Variants in IRF1 observed in about 807,000 individuals in gnomAD.
IRF1 encodes the protein interferon regulatory factor 1.
A neutral mutation model predicts 43.7 loss-of-function variants in IRF1; 13 were observed. That is an observed-to-expected ratio of 0.30 (90% CI 0.19 to 0.47). The LOEUF is 0.47. Ranked by LOEUF, IRF1 falls within the 20% of genes least tolerant of loss-of-function variation. The probability of loss-of-function intolerance (pLI) is 0.99; values close to 1 mark genes in which losing one functional copy is unlikely to be tolerated. For synonymous variants in IRF1, 138 were observed against 146.8 expected (o/e 0.94, Z 0.43); for missense variants, 236 against 408.9 (o/e 0.58, Z 3.65).
chr5:132,489,557 G>T, intron 1 of IRF1, 74 bp from the exon 2 acceptor site: 2 of 1,199,938 alleles, frequency 1.7e-6, no homozygotes, highest in South Asian at 2.4e-5. Context: ...CCCCACCCGA[G>T]GTCACTTAGT....
intron 3 of IRF1, 46 bp downstream of exon 3, chr5:132,487,880 C>T (rs1336317484): frequency 1.4e-6 from 2 of 1,397,166 alleles, no homozygotes; most frequent in African/African-American, 2.8e-5. Context: ...AGTGCCTCCT[C>T]TTGTCTCTAC....
At position 132,483,809 on chromosome 5, in the gene IRF1, G is replaced by A. The variant is rs17848427; in HGVS notation, c.*142C>T. ...AGGCCCTGAGAGGTCAATGACCCAA[G>A]GAGGGAGGCCCCATCCCCACTTGGC... On this transcript the variant is annotated 3_prime_UTR_variant, in exon 10 of 10. Transcript: ENST00000245414. The A allele has an allele frequency of 7.9e-4, 826 of 1,042,520 alleles. 7 individuals carry two copies. In the African/African-American group the frequency reaches 0.012, roughly 15 times the overall value. 64.6% of individuals were successfully genotyped at this position (1,042,520 alleles called of 1,614,324 possible).
intron 2 of IRF1, chr5:132,488,367 C>A (rs747091847): frequency 5.6e-5 from 14 of 251,862 alleles, no homozygotes; most frequent in African/African-American, 8.9e-5. Flanking sequence ...TTGTAAGCAC[C>A]CACATGGAAG....
In IRF1 at chr5:132,489,440, C is replaced by T. The variant is rs1158182651; in HGVS notation, c.39G>A (p.Glu13=). 4.3e-6 allele frequency: 7 copies of T among 1,614,090 alleles called. No homozygotes were observed. The highest frequency in any genetic ancestry group is 1.3e-5 in the African/African-American group (1 of 75,062). ...GGATTTGGTTGGAATTAATCTGCAT[C>T]TCTAGCCAGGGTCTCATGCGCATCC... ...ITRMRMRPWL[E]MQINSNQIPG... is the part of the protein sequence containing the mutation. Residue 13 remains glutamate (E), a synonymous_variant, in exon 2 of 10, where the codon GAG becomes GAA. Coordinates refer to ENST00000245414, the MANE Select transcript of IRF1 (RefSeq NM_002198.3).
At position 132,486,995 on chromosome 5, in the gene IRF1, A is replaced by C. The variant is rs762994653; in HGVS notation, c.323T>G (p.Val108Gly). Residue 108 changes from valine to glycine, a missense_variant, in exon 4 of 10, where the codon GTG becomes GGG. Val to Gly is a moderately radical substitution (Grantham distance 109, BLOSUM62 -3). Transcript: ENST00000245414. ...SRNKGSSAVR[V>G]YRMLPPLTKN... Reference sequence around the variant, plus strand: ...GGTGAGAGGTGGAAGCATCCGGTACACTCGCACAGCTGAGCTGCCCTTGTT... The same window carrying C: ...GGTGAGAGGTGGAAGCATCCGGTACCCTCGCACAGCTGAGCTGCCCTTGTT... 6.2e-7 allele frequency: 1 copy of C among 1,613,570 alleles called. No homozygotes were observed. Among genetic ancestry groups the C allele is most frequent in the Non-Finnish European group, 8.5e-7 (1 of 1,179,896 alleles).
intron 2 of IRF1, chr5:132,489,179 G>A (rs934432611): frequency 7.8e-6 from 4 of 514,188 alleles, no homozygotes; most frequent in Admixed American, 3.1e-5. Context: ...GTGCCTTCAG[G>A]TGGGTGCCCT....
intron 3 of IRF1, 36 bp downstream of exon 3, chr5:132,487,890 C>T: frequency 6.7e-7 from 1 of 1,490,810 alleles, no homozygotes; most frequent in Non-Finnish European, 9.4e-7. Flanking sequence ...CTTGTCTCTA[C>T]CCTGGGCTTC....
chr5:132,484,344 G>T lies in IRF1; in HGVS notation c.853+18C>A, dbSNP rs369393127. The T allele has an allele frequency of 3.7e-6, 6 of 1,613,456 alleles. No individual in the cohort carries two copies. ...TCTCCCTCATCTAAGAAGCCATAAGGATCCAGGGCCTTCTTACCCCCTGGG... is the reference window on the plus strand; with the variant it reads ...TCTCCCTCATCTAAGAAGCCATAAGTATCCAGGGCCTTCTTACCCCCTGGG... On this transcript the variant is annotated intron_variant, in intron 9 of 9. Coordinates refer to ENST00000245414, the MANE Select transcript of IRF1 (RefSeq NM_002198.3).
At chr5:132,485,611 C>T in intron 8 of IRF1, 56 bp downstream of exon 8, 1 of 1,355,432 alleles carries the variant, frequency 7.4e-7, no homozygotes, top group South Asian at 1.2e-5. Flanking sequence ...CACTGGTTCT[C>T]TCTCCTCACT....
chr5:132,488,228 G>C, intron 2 of IRF1: 1 of 561,334 alleles, frequency 1.8e-6, no homozygotes, highest in South Asian at 2.1e-5. Flanking sequence ...GGGACACCTA[G>C]TTTGGATGAG....
In IRF1 at chr5:132,487,045, G is replaced by A. The variant is rs199589588; in HGVS notation, c.273C>T (p.Ile91=). The part of the protein sequence containing the change: ...FRCAMNSLPD[I]EEVKDQSRNK... ...TCCTGCTCTGGTCTTTCACCTCCTC[G>A]ATATCTGGCAGGGAGTTCATGGCAC... The change falls in exon 4 of 10, where the codon ATC becomes ATT. Residue 91 remains isoleucine, a synonymous_variant. Coordinates refer to ENST00000245414, the MANE Select transcript of IRF1 (RefSeq NM_002198.3). The A allele has an allele frequency of 1.9e-4, 305 of 1,613,994 alleles. No homozygotes were observed. Among genetic ancestry groups the A allele is most frequent in the Admixed American group, 3.5e-4 (21 of 60,002 alleles).
intron 1 of IRF1, 56 bp from the exon 2 acceptor site, chr5:132,489,539 G>GGTCAC: frequency 7.0e-7 from 1 of 1,432,976 alleles, no homozygotes; most frequent in Non-Finnish European, 9.8e-7. Context: ...TACCTGGGCA[G>GGTCAC]TGACCTGCCC....
intron 2 of IRF1, chr5:132,488,235 T>C (rs10035166): frequency 0.23 from 125,679 of 551,886 alleles, 16,599 homozygotes; most frequent in South Asian, 0.34. Flanking sequence ...CTAGTTTGGA[T>C]GAGCTGCAGC....
intron 9 of IRF1, 142 bp from the exon 10 acceptor site, chr5:132,484,217 A>C (rs542388387): frequency 6.9e-7 from 1 of 1,442,220 alleles, no homozygotes; most frequent in Non-Finnish European, 9.5e-7. Flanking sequence ...GCAAACCTTA[A>C]GGCATGGCAG....
rs1754425460 is a variant in IRF1 at position 132,482,981 on chromosome 5, A to G, written c.*970T>C. On this transcript the variant is annotated 3_prime_UTR_variant, in exon 10 of 10. Coordinates refer to ENST00000245414, the MANE Select transcript of IRF1 (RefSeq NM_002198.3). ...ATAGATGCATGTCCCTGTTCACCCC[A>G]AAGTCAAGTTCAGGCGGGATGCCAA... 4 of 152,296 alleles carry G rather than the reference A, an allele frequency of 2.6e-5. No homozygotes were observed. Among genetic ancestry groups the G allele is most frequent in the South Asian group, 2.1e-4 (1 of 4,836 alleles). The allele number at this position is 152,296 out of a possible 1,614,324, so 9.4% of individuals were successfully genotyped here.
At chr5:132,489,144 A>T in intron 2 of IRF1, 1 of 444,942 alleles carries the variant, frequency 2.2e-6, no homozygotes, top group South Asian at 2.3e-5. Context: ...CAGATGCTGG[A>T]AAGTCTTGCT....
Position 132,489,457 on chromosome 5 carries a change from T to G in IRF1, c.22A>C (p.Met8Leu), listed in dbSNP as rs121912469. ...ATCTGCATCTCTAGCCAGGGTCTCATGCGCATCCGAGTGATGGGCATGTTG... is the reference window on the plus strand; with the variant it reads ...ATCTGCATCTCTAGCCAGGGTCTCAGGCGCATCCGAGTGATGGGCATGTTG... MPITRMR[M>L]RPWLEMQINS... The change falls in exon 2 of 10, where the codon ATG becomes CTG. Residue 8 changes from methionine (M) to leucine (L), a missense_variant. By Grantham distance (15) the Met-to-Leu change is conservative. Around this residue, in one of 2 missense-constraint regions of IRF1, gnomAD observed 66 missense variants for 157.1 expected, o/e 0.42. Coordinates refer to ENST00000245414, the MANE Select transcript of IRF1 (RefSeq NM_002198.3). 1 of 1,614,036 alleles carries G rather than the reference T, an allele frequency of 6.2e-7. No individual in the cohort carries two copies. Among genetic ancestry groups the G allele is most frequent in the African/African-American group, 1.3e-5 (1 of 75,066 alleles).
chr5:132,490,750 C>G lies in IRF1; in HGVS notation c.-211G>C, dbSNP rs1346576882. On this transcript the variant is annotated 5_prime_UTR_variant, in exon 1 of 10. Transcript: ENST00000245414. The surrounding 1 kb of genome is among the most constrained non-coding windows in gnomAD (Gnocchi z 5.8). ...GGCGGGGCTCGGGCGCACGTCTTGCCTCGACTAAGGAGTGGCGAGCTCTGC... is the reference window on the plus strand; with the variant it reads ...GGCGGGGCTCGGGCGCACGTCTTGCGTCGACTAAGGAGTGGCGAGCTCTGC... 1 of 152,290 alleles carries G rather than the reference C, an allele frequency of 6.6e-6. No homozygotes were observed. Among genetic ancestry groups the G allele is most frequent in the Non-Finnish European group, 1.5e-5 (1 of 68,098 alleles). 9.4% of individuals were successfully genotyped at this position (152,290 alleles called of 1,614,324 possible). A position where few individuals can be genotyped will look rare whatever the true frequency, so the allele number is the denominator to read the frequency against.
At position 132,490,095 on chromosome 5, in the gene IRF1, A is replaced by T. The variant is rs1057035258; in HGVS notation, c.-6+450T>A. 3.9e-5 allele frequency: 6 copies of T among 152,992 alleles called. No homozygotes were observed. The highest frequency in any genetic ancestry group is 1.9e-4 in the Admixed American group (3 of 15,386). The allele number at this position is 152,992 out of a possible 1,614,324, so 9.5% of individuals were successfully genotyped here. A position where few individuals can be genotyped will look rare whatever the true frequency, so the allele number is the denominator to read the frequency against. ...GTCTCCGTAGGTCACGATTCCCTCCAGCCACCTGGGCAGTAAGCCAGCCCT... is the reference window on the plus strand; with the variant it reads ...GTCTCCGTAGGTCACGATTCCCTCCTGCCACCTGGGCAGTAAGCCAGCCCT... On this transcript the variant is annotated intron_variant, in intron 1 of 9. Coordinates refer to ENST00000245414, the MANE Select transcript of IRF1 (RefSeq NM_002198.3). This position sits in a 1 kb window ranked among gnomAD's most constrained non-coding sequence, Gnocchi z 5.8.
Sources: allele counts gnomAD v4.1 joint callset, GRCh38; gene constraint gnomAD v4.1.1; regional missense constraint gnomAD v4.1.1; non-coding constraint Gnocchi (gnomAD v3.1); transcripts MANE v1.5; gene names NCBI Gene and HGNC (gene_info 2026-07-23, HGNC 2026-07-21).